GLIS3: variants seen among roughly 807,000 people sequenced by gnomAD.
GLIS3 encodes GLIS family zinc finger 3.
Under a neutral mutation model 78.6 loss-of-function variants are expected in GLIS3, and 53 were observed. The ratio of observed to expected loss-of-function variants is 0.67; its 90% CI spans 0.54 to 0.85. GLIS3 has a LOEUF of 0.85. Ranked by LOEUF, GLIS3 falls within the 40% of genes least tolerant of loss-of-function variation. The pLI, the probability that GLIS3 is intolerant of heterozygous loss-of-function variation, is 0.00. For synonymous variants in GLIS3, 684 were observed against 509.9 expected (o/e 1.34, Z -4.60); for missense variants, 1,703 against 1,231.1 (o/e 1.38, Z -5.74).
chr9:4,364,908 C>G, the GLIS3 span, among the ~76,000 whole-genome samples: 4 of 151,944 alleles, frequency 2.6e-5, no homozygotes, highest in Non-Finnish European at 5.9e-5. Flanking sequence ...CTCAGCCTCC[C>G]AAGTAGCCAG....
intron 2 of GLIS3, among the ~76,000 whole-genome samples, chr9:4,218,046 A>G (rs922101072): frequency 1.3e-5 from 2 of 152,188 alleles, no homozygotes; most frequent in African/African-American, 2.4e-5. Flanking sequence ...AGATAGCATA[A>G]TATGTCCAAG....
rs78409371 is a variant in GLIS3 at position 4,026,870 on chromosome 9, G to A, written c.1711-89681C>T. On this transcript the variant is annotated intron_variant, in intron 4 of 10. Transcript: ENST00000381971. ...ATCCTCACAATATCCTTTCAAGGTC[G>A]TGTTACTCTCTTATAGATGAAAAGA... Among the ~76,000 whole-genome samples the A allele has an allele frequency of 5.3e-3, 814 of 152,212 alleles. 7 individuals are homozygous for A. The highest frequency in any genetic ancestry group is 0.018 in the African/African-American group (749 of 41,542).
intron 2 of GLIS3, among the ~76,000 whole-genome samples, chr9:4,194,477 G>A (rs912172231): frequency 7.2e-5 from 11 of 152,156 alleles, no homozygotes; most frequent in Non-Finnish European, 1.6e-4. Flanking sequence ...TTCCAAGATG[G>A]TAGATTCTCT....
chr9:4,437,420 GTATCTATC>G, the GLIS3 span, among the ~76,000 whole-genome samples: 21,817 of 126,842 alleles, frequency 0.17, 1,768 homozygotes, highest in South Asian at 0.21. Flanking sequence ...ATGTATGTAT[GTATCTATC>G]TATCTATCTA....
chr9:4,040,835 A>C (rs1824748631), intron 4 of GLIS3, among the ~76,000 whole-genome samples: 1 of 152,214 alleles, frequency 6.6e-6, no homozygotes, highest in Admixed American at 6.5e-5. Context: ...TCTTTAGGTA[A>C]GAGTTGAAGT....
intron 8 of GLIS3, among the ~76,000 whole-genome samples, chr9:3,876,651 AG>A (rs1821329658): frequency 1.9e-3 from 5 of 2,686 alleles, no homozygotes; most frequent in Non-Finnish European, 2.3e-3. Context: ...AGAGAGAGAG[AG>A]AGAGAAAGAG....
intron 2 of GLIS3, among the ~76,000 whole-genome samples, chr9:4,144,146 C>G (rs766824670): frequency 6.6e-6 from 1 of 152,122 alleles, no homozygotes; most frequent in Non-Finnish European, 1.5e-5. Context: ...AAACCTTGCT[C>G]CATAAATGCT....
chr9:4,465,407 T>C, the GLIS3 span, among the ~76,000 whole-genome samples: 1 of 152,034 alleles, frequency 6.6e-6, no homozygotes, highest in Non-Finnish European at 1.5e-5. Context: ...AAATTAGCCA[T>C]GCATGGTGAC....
intron 4 of GLIS3, among the ~76,000 whole-genome samples, chr9:4,075,550 T>G (rs1270693680): frequency 6.6e-6 from 1 of 152,108 alleles, no homozygotes; most frequent in Non-Finnish European, 1.5e-5. Context: ...CACTCCAGAC[T>G]GGATGACAGA....
chr9:4,454,520 T>A, the GLIS3 span, among the ~76,000 whole-genome samples: 1 of 152,212 alleles, frequency 6.6e-6, no homozygotes, highest in East Asian at 1.9e-4. Context: ...TTGCCCTACA[T>A]CTTGCTGTTT....
intron 2 of GLIS3, among the ~76,000 whole-genome samples, chr9:4,230,890 C>A (rs540170313): frequency 6.6e-6 from 1 of 152,106 alleles, no homozygotes; most frequent in African/African-American, 2.4e-5. Flanking sequence ...TTTCATAGAA[C>A]AGTCATACAA....
chr9:4,462,639 G>GCACACA, the GLIS3 span, among the ~76,000 whole-genome samples: 1 of 142,524 alleles, frequency 7.0e-6, no homozygotes, highest in Non-Finnish European at 1.5e-5. Context: ...ACACAGACAC[G>GCACACA]CACACACACA....
chr9:4,025,298 A>G (rs1226285856), intron 4 of GLIS3, among the ~76,000 whole-genome samples: 1 of 152,188 alleles, frequency 6.6e-6, no homozygotes, highest in Admixed American at 6.5e-5. Context: ...ATGTGCTGAA[A>G]TAAAGGATGA....
At chr9:4,419,455 A>C in the GLIS3 span, among the ~76,000 whole-genome samples, 1 of 152,162 alleles carries the variant, frequency 6.6e-6, no homozygotes, top group African/African-American at 2.4e-5. Flanking sequence ...GCAAAGTGGG[A>C]GGAGCAAGAG....
At chr9:3,959,548 T>C (rs1286139539) in intron 4 of GLIS3, among the ~76,000 whole-genome samples, 2 of 152,184 alleles carry the variant, frequency 1.3e-5, no homozygotes, top group Non-Finnish European at 2.9e-5. Flanking sequence ...AAGGCCCATG[T>C]GATCCAATCT....
At chr9:4,438,603 C>A in the GLIS3 span, among the ~76,000 whole-genome samples, 2 of 152,112 alleles carry the variant, frequency 1.3e-5, no homozygotes, top group African/African-American at 4.8e-5. Flanking sequence ...GTGTCCTCAC[C>A]CAAATCTCAC....
At chr9:4,282,448 C>T (rs1467475769) in intron 2 of GLIS3, among the ~76,000 whole-genome samples, 1 of 152,184 alleles carries the variant, frequency 6.6e-6, no homozygotes, top group African/African-American at 2.4e-5. Context: ...ACAAGGTTGA[C>T]CCTCGCCCCC....
chr9:3,975,133 C>T (rs1450614406), intron 4 of GLIS3: 1 of 152,078 alleles, frequency 6.6e-6, no homozygotes, highest in African/African-American at 2.4e-5. Flanking sequence ...TAGAAACATA[C>T]CTTTCATTTT....
the GLIS3 span, among the ~76,000 whole-genome samples, chr9:4,445,537 GGGA>G: frequency 3.1e-4 from 47 of 152,284 alleles, no homozygotes; most frequent in Non-Finnish European, 2.2e-4. Flanking sequence ...GGGAAGCTGA[GGGA>G]GGAGGATTCC....
Sources: gnomAD v4.1 joint callset for allele counts (sites outside exome capture counted in the v4.1 genomes callset) on GRCh38, gnomAD v4.1.1 for gene constraint, MANE v1.5 for transcripts, NCBI Gene and HGNC (gene_info 2026-07-23, HGNC 2026-07-21) for gene names.